The following RB1 variants were observed in gnomAD, a reference collection of about 807,000 sequenced individuals.
RB1 encodes RB transcriptional corepressor 1.
RB1 carries 18 observed loss-of-function variants against 135.4 expected under a neutral mutation model. The observed-to-expected ratio is 0.13, with a 90% CI of 0.09 to 0.20. The LOEUF is 0.20. Among genes scored for constraint, RB1 ranks in the 10% least tolerant of loss-of-function variants. RB1 has a pLI of 1.00. For missense variants in RB1, 868 were observed against 1,110.0 expected (o/e 0.78, Z 3.10); for synonymous variants, 365 against 373.2 (o/e 0.98, Z 0.25).
At chr13:48,323,829 C>T (rs1485174901) in intron 2 of RB1, among the ~76,000 whole-genome samples, 5 of 151,986 alleles carry the variant, frequency 3.3e-5, no homozygotes, top group Non-Finnish European at 7.4e-5. Flanking sequence ...TTAATTTAAC[C>T]TTATAGATAC....
intron 17 of RB1, among the ~76,000 whole-genome samples, chr13:48,451,912 T>A (rs554308373): frequency 6.6e-6 from 1 of 152,258 alleles, no homozygotes; most frequent in African/African-American, 2.4e-5. Context: ...GAGGTGTTTA[T>A]AGTATTTTCT....
chr13:48,465,877 C>G (rs1949439135), intron 23 of RB1, among the ~76,000 whole-genome samples: 1 of 150,242 alleles, frequency 6.7e-6, no homozygotes, highest in Non-Finnish European at 1.5e-5. Flanking sequence ...CACCACGAGA[C>G]TATATCCCAC....
At chr13:48,345,578 A>C (rs557886918) in intron 4 of RB1, among the ~76,000 whole-genome samples, 1 of 152,182 alleles carries the variant, frequency 6.6e-6, no homozygotes, top group Non-Finnish European at 1.5e-5. Context: ...TGGATGGTGT[A>C]TGTGACCTAT....
intron 17 of RB1, chr13:48,408,605 C>T (rs1948760327): frequency 6.6e-6 from 1 of 151,934 alleles, no homozygotes; most frequent in Admixed American, 6.6e-5. Flanking sequence ...AGAGAAAACC[C>T]TCAGAATATA....
intron 17 of RB1, among the ~76,000 whole-genome samples, chr13:48,419,018 C>A (rs979936422): frequency 2.0e-5 from 3 of 152,152 alleles, no homozygotes. Context: ...GACTTGAACT[C>A]AGCTCTGCAC....
intron 8 of RB1, 66 bp downstream of exon 8, chr13:48,363,023 ATATTTAC>A (rs752351858): frequency 3.9e-5 from 61 of 1,572,640 alleles, no homozygotes; most frequent in Non-Finnish European, 5.0e-5. Context: ...CTCCCTAACA[ATATTTAC>A]TTCTTTTGTT....
At chr13:48,305,019 A>G (rs1199399636) in intron 1 of RB1, among the ~76,000 whole-genome samples, 1 of 152,192 alleles carries the variant, frequency 6.6e-6, no homozygotes, top group Non-Finnish European at 1.5e-5. Context: ...TTATTGTATT[A>G]CAACATCTTA....
At chr13:48,360,914 G>A (rs1200406374) in intron 7 of RB1, among the ~76,000 whole-genome samples, 3 of 151,998 alleles carry the variant, frequency 2.0e-5, no homozygotes, top group Non-Finnish European at 4.4e-5. Flanking sequence ...TAACATGGAA[G>A]TTTCAAAGTG....
intron 2 of RB1, chr13:48,333,051 C>G (rs1451004063): frequency 2.5e-6 from 1 of 398,206 alleles, no homozygotes; most frequent in Non-Finnish European, 4.4e-6. Context: ...CCATGGTTGA[C>G]CATGGGAAAC....
chr13:48,439,890 A>G (rs1949219694), intron 17 of RB1: 1 of 152,186 alleles, frequency 6.6e-6, no homozygotes, highest in South Asian at 2.1e-4. Flanking sequence ...TCAGAAATTT[A>G]TATCAGAATT....
intron 2 of RB1, among the ~76,000 whole-genome samples, chr13:48,339,021 C>T (rs1162831043): frequency 2.6e-5 from 4 of 152,152 alleles, no homozygotes; most frequent in Non-Finnish European, 4.4e-5. Flanking sequence ...GCTACCTGAT[C>T]GTTCCTCTGG....
chr13:48,444,635 C>T (rs1949270799), intron 17 of RB1: 1 of 152,318 alleles, frequency 6.6e-6, no homozygotes, highest in African/African-American at 2.4e-5. Flanking sequence ...GCAGAGCTTC[C>T]ATGCCCTCTG....
rs747962259 is a variant in RB1, at chr13:48,465,072, G to A, written c.2286G>A (p.Gln762=). The change falls in exon 22 of 27, where the codon CAG becomes CAA. Residue 762 remains glutamine, a synonymous_variant. Transcript: ENST00000267163. ...IIVFYNSVFM[Q]RLKTNILQYA... ...TATTCTATAACTCGGTCTTCATGCA[G>A]AGACTGAAAACAAATATTTTGCAGT... 3.7e-6 allele frequency: 6 copies of A among 1,604,256 alleles called. No homozygotes were observed. The South Asian group carries it at 6.6e-5, about 18-fold the overall frequency.
rs200799016 is a variant in RB1, at chr13:48,340,266, GA to G, written c.265-2325del. 1.1e-4 allele frequency among the ~76,000 whole-genome samples: 17 copies of G among 151,568 alleles called. No homozygotes were observed. The East Asian group carries it at 3.1e-3, about 28-fold the overall frequency. On this transcript the variant is annotated intron_variant, in intron 2 of 26. Coordinates refer to ENST00000267163, the MANE Select transcript of RB1 (RefSeq NM_000321.3). Reference sequence around the variant, plus strand: ...ACCACTGAAAACATAACCCATAAAAGAAAAAAAATGAATAAATTGAGCTTAA... The same window carrying G: ...ACCACTGAAAACATAACCCATAAAAGAAAAAAATGAATAAATTGAGCTTAA...
intron 2 of RB1, among the ~76,000 whole-genome samples, chr13:48,336,663 G>C (rs1162910141): frequency 6.6e-6 from 1 of 151,056 alleles, no homozygotes; most frequent in Non-Finnish European, 1.5e-5. Context: ...TTTTTTGAAG[G>C]GTTTTTTGTG....
chr13:48,430,806 G>C (rs953140245), intron 17 of RB1, among the ~76,000 whole-genome samples: 2 of 151,762 alleles, frequency 1.3e-5, no homozygotes, highest in African/African-American at 4.9e-5. Flanking sequence ...GCTCACACCT[G>C]TAATCCCAGC....
intron 17 of RB1, among the ~76,000 whole-genome samples, chr13:48,452,244 C>G (rs1304171331): frequency 1.3e-5 from 2 of 151,918 alleles, no homozygotes; most frequent in African/African-American, 4.8e-5. Flanking sequence ...TTTTCCATTC[C>G]AGGAAGAAAA....
intron 17 of RB1, among the ~76,000 whole-genome samples, chr13:48,395,320 A>C (rs1395698616): frequency 6.6e-6 from 1 of 152,212 alleles, no homozygotes; most frequent in Non-Finnish European, 1.5e-5. Context: ...TGAAAATTCC[A>C]AAAACCAGAG....
At chr13:48,326,645 A>C (rs1952290153) in intron 2 of RB1, among the ~76,000 whole-genome samples, 2 of 152,168 alleles carry the variant, frequency 1.3e-5, no homozygotes, top group Admixed American at 1.3e-4. Context: ...GGCTTATTCT[A>C]AACTTAAATA....
Sources: gnomAD v4.1 joint callset for allele counts (sites outside exome capture counted in the v4.1 genomes callset) on GRCh38, gnomAD v4.1.1 for gene constraint, MANE v1.5 for transcripts, NCBI Gene and HGNC (gene_info 2026-07-23, HGNC 2026-07-21) for gene names.